The following THAP6 variants were observed in gnomAD, a reference collection of about 807,000 sequenced individuals.
The protein encoded by THAP6 is THAP domain-containing protein 6.
Under a neutral mutation model 20.0 loss-of-function variants are expected in THAP6, and 13 were observed. That is an observed-to-expected ratio of 0.65 (90% CI 0.42 to 1.03). THAP6 has a LOEUF of 1.03. Ranked by LOEUF, THAP6 falls within the 50% of genes least tolerant of loss-of-function variation. The probability of loss-of-function intolerance (pLI) is 0.00; values close to 1 mark genes in which losing one functional copy is unlikely to be tolerated. For synonymous variants in THAP6, 93 were observed against 92.2 expected, an observed-to-expected ratio of 1.01 and a Z score of -0.05; for missense variants, 262 against 261.6, an observed-to-expected ratio of 1.00 and a Z score of -0.01.
chr4:75,516,102 C>T (rs556523658), intron 2 of THAP6, among the ~76,000 whole-genome samples: 2 of 152,338 alleles, frequency 1.3e-5, no homozygotes, highest in South Asian at 2.1e-4. Flanking sequence ...GTGCCAGGCA[C>T]TGTCCTATGT....
At chr4:75,538,386 A>G (rs79808220) in intron 2 of THAP6, among the ~76,000 whole-genome samples, 14 of 82,366 alleles carry the variant, frequency 1.7e-4, no homozygotes, top group African/African-American at 4.9e-4. Flanking sequence ...AGTATTGTGA[A>G]AAAAAAAAAA....
At chr4:75,530,121 C>T, downstream of THAP6, 1 of 971,410 alleles carries the variant, frequency 1.0e-6, no homozygotes. Flanking sequence ...ATTTCTCCTC[C>T]ACCAATAACT....
chr4:75,537,291 A>G (rs949440178), intron 2 of THAP6, among the ~76,000 whole-genome samples: 3 of 152,180 alleles, frequency 2.0e-5, no homozygotes, highest in African/African-American at 7.2e-5. Context: ...GGTTTGGCTC[A>G]GTGTCCCCAC....
chr4:75,539,942 AC>A (rs1330132227), intron 2 of THAP6: 1 of 1,536,058 alleles, frequency 6.5e-7, no homozygotes. Context: ...TGGCAAGTGG[AC>A]AGGCAACAGT....
chr4:75,532,973 C>T (rs1238524089), downstream of THAP6, among the ~76,000 whole-genome samples: 1 of 152,216 alleles, frequency 6.6e-6, no homozygotes, highest in Non-Finnish European at 1.5e-5. Flanking sequence ...ACATTTTCCC[C>T]ATTGTCTTGG....
intron 3 of THAP6, among the ~76,000 whole-genome samples, chr4:75,521,150 G>A (rs891100683): frequency 5.4e-5 from 8 of 149,058 alleles, no homozygotes; most frequent in African/African-American, 2.0e-4. Context: ...TTGAAATTCA[G>A]GCTTTTTTCA....
At chr4:75,541,695 G>A (rs1035715649) in intron 2 of THAP6, among the ~76,000 whole-genome samples, 40 of 152,282 alleles carry the variant, frequency 2.6e-4, no homozygotes, top group African/African-American at 9.6e-4. Flanking sequence ...AGTGGCTCAT[G>A]CCTGTAATCC....
upstream of THAP6, chr4:75,514,318 C>CT: frequency 6.3e-7 from 1 of 1,598,590 alleles, no homozygotes; most frequent in Non-Finnish European, 8.6e-7. Flanking sequence ...TCCACCGATC[C>CT]TTCCCCCAGG....
intron 3 of THAP6, 127 bp from the exon 4 acceptor site, chr4:75,521,609 T>G: frequency 9.3e-7 from 1 of 1,074,458 alleles, no homozygotes; most frequent in Non-Finnish European, 1.3e-6. Context: ...ATTTGCTGAC[T>G]TTTAAAAGCA....
At chr4:75,535,966 C>A (rs1205192428) in intron 2 of THAP6, among the ~76,000 whole-genome samples, 2 of 152,196 alleles carry the variant, frequency 1.3e-5, no homozygotes, top group Non-Finnish European at 2.9e-5. Flanking sequence ...TCAGATACAG[C>A]CCCTTTCCCA....
At position 75,519,327 on chromosome 4, in the gene THAP6, T is replaced by G. The variant is rs1169198816; in HGVS notation, c.288+2348T>G. Among the ~76,000 whole-genome samples, 3 of 145,574 alleles carry G rather than the reference T, an allele frequency of 2.1e-5. No homozygotes were observed. In the East Asian group the frequency reaches 5.9e-4, roughly 28 times the overall value. ...GCTCTGAACATTTTGGGGCACATCT[T>G]TTTTTTTTTTTTAATTATGCTTTAA... On this transcript the variant is annotated intron_variant, in intron 3 of 4. Coordinates refer to ENST00000311638, the MANE Select transcript of THAP6 (RefSeq NM_144721.6).
intron 4 of THAP6, among the ~76,000 whole-genome samples, chr4:75,524,594 C>T (rs931578490): frequency 6.6e-6 from 1 of 151,958 alleles, no homozygotes; most frequent in Non-Finnish European, 1.5e-5. Context: ...GTTTTGGGGG[C>T]GGGGGCAGTT....
At position 75,528,005 on chromosome 4, in the gene THAP6, G is replaced by A; in HGVS notation, c.*791G>A. 1 of 985,236 alleles carries A rather than the reference G, an allele frequency of 1.0e-6. No homozygotes were observed. 61.0% of individuals were successfully genotyped at this position (985,236 alleles called of 1,614,324 possible). On this transcript the variant is annotated 3_prime_UTR_variant, in exon 5 of 5. Coordinates refer to ENST00000311638, the MANE Select transcript of THAP6 (RefSeq NM_144721.6). ...AAAGGTATATGTTTAAAATCTGAAT[G>A]GCAGTACTAGCTCTATACTTTTAAT...
intron 3 of THAP6, among the ~76,000 whole-genome samples, chr4:75,545,743 G>A (rs146104942): frequency 1.2e-3 from 183 of 152,316 alleles, no homozygotes; most frequent in African/African-American, 4.2e-3. Flanking sequence ...CCCAGGCAGC[G>A]TCCGCAGTTG....
upstream of THAP6, chr4:75,514,362 T>C: frequency 1.3e-6 from 2 of 1,498,140 alleles, no homozygotes; most frequent in Non-Finnish European, 9.1e-7. Context: ...TGCGCCTCTC[T>C]AGCACACCCC....
At chr4:75,535,526 C>T (rs1023135977) in intron 2 of THAP6, among the ~76,000 whole-genome samples, 2 of 152,164 alleles carry the variant, frequency 1.3e-5, no homozygotes, top group South Asian at 2.1e-4. Context: ...TCTGCTCTAA[C>T]CCAGAGTTAC....
At chr4:75,525,592 G>A (rs1289177518) in intron 4 of THAP6, among the ~76,000 whole-genome samples, 1 of 152,038 alleles carries the variant, frequency 6.6e-6, no homozygotes, top group Non-Finnish European at 1.5e-5. Context: ...GGTTTCCATT[G>A]ATTGATTTAT....
intron 4 of THAP6, among the ~76,000 whole-genome samples, chr4:75,523,679 G>T (rs372117410): frequency 2.0e-5 from 3 of 151,712 alleles, no homozygotes; most frequent in African/African-American, 7.3e-5. Context: ...GGTGGCATAT[G>T]CCTACCCAGC....
chr4:75,529,564 C>T lies in THAP6; in HGVS notation c.*2350C>T, dbSNP rs1026991128. ...AAAAATAGGGTCCTCCCTGCTGCTCCAAACAAATGCCTAAACACAGTATGT... is the reference window on the plus strand; with the variant it reads ...AAAAATAGGGTCCTCCCTGCTGCTCTAAACAAATGCCTAAACACAGTATGT... On this transcript the variant is annotated 3_prime_UTR_variant, in exon 5 of 5. Coordinates refer to ENST00000311638, the MANE Select transcript of THAP6 (RefSeq NM_144721.6). The T allele has an allele frequency of 8.1e-6, 8 of 985,304 alleles. No homozygotes were observed. The highest frequency in any genetic ancestry group is 9.6e-6 in the Non-Finnish European group (8 of 829,956). 61.0% of individuals were successfully genotyped at this position (985,304 alleles called of 1,614,324 possible). A position where few individuals can be genotyped will look rare whatever the true frequency, so the allele number is the denominator to read the frequency against.
Sources: gnomAD v4.1 joint callset for allele counts (sites outside exome capture counted in the v4.1 genomes callset) on GRCh38, gnomAD v4.1.1 for gene constraint, MANE v1.5 for transcripts, NCBI Gene and HGNC (gene_info 2026-07-23, HGNC 2026-07-21) for gene names.